The following CNOT3 variants were observed in gnomAD, a reference collection of about 807,000 sequenced individuals.
The protein encoded by CNOT3 is CCR4-associated factor 3.
In CNOT3, 2 loss-of-function variants were observed where a neutral mutation model predicts 89.4. The ratio of observed to expected loss-of-function variants is 0.02; its 90% confidence interval spans 0.01 to 0.07. CNOT3 has a LOEUF of 0.07. Among genes scored for constraint, CNOT3 ranks in the 10% least tolerant of loss-of-function variants. CNOT3 has a pLI of 1.00. For missense variants in CNOT3, 664 were observed against 1,010.2 expected, an observed-to-expected ratio of 0.66 and a Z score of 4.65; for synonymous variants, 486 against 402.0, an observed-to-expected ratio of 1.21 and a Z score of -2.50.
intron 16 of CNOT3, chr19:54,153,265 C>A (rs574101003): frequency 1.3e-6 from 1 of 762,560 alleles, no homozygotes; most frequent in East Asian, 2.4e-5. Flanking sequence ...TGCCCACTGG[C>A]TCACCCGCGG....
At chr19:54,150,619 A>G (rs2075032075) in intron 13 of CNOT3, among the ~76,000 whole-genome samples, 1 of 151,784 alleles carries the variant, frequency 6.6e-6, no homozygotes, top group Admixed American at 6.5e-5. Context: ...TCCAGGAGGC[A>G]GTGTGCGCGC....
chr19:54,152,296 C>T lies in CNOT3; in HGVS notation c.1676C>T (p.Pro559Leu). The T allele has an allele frequency of 6.2e-7, 1 of 1,614,198 alleles. No individual in the cohort carries two copies. Among genetic ancestry groups the T allele is most frequent in the Non-Finnish European group, 8.5e-7 (1 of 1,180,020 alleles). ...RAAISSGIED[P>L]VPTLHLTERD... ...GCCATCAGCTCTGGCATTGAGGACCCTGTGCCAACGCTGCACCTGACCGAG... is the reference window on the plus strand; with the variant it reads ...GCCATCAGCTCTGGCATTGAGGACCTTGTGCCAACGCTGCACCTGACCGAG... Residue 559 changes from proline to leucine, a missense_variant, in exon 14 of 18, where the codon CCT (proline) becomes CTT (leucine). Around this residue, in one of 8 missense-constraint regions of CNOT3, gnomAD observed 545 missense variants for 566.2 expected, o/e 0.96. Coordinates refer to ENST00000221232, the MANE Select transcript of CNOT3 (RefSeq NM_014516.4).
At chr19:54,153,531 T>C in intron 16 of CNOT3, 184 bp from the exon 17 acceptor site, 1 of 778,976 alleles carries the variant, frequency 1.3e-6, no homozygotes, top group Non-Finnish European at 2.4e-6. Context: ...CCTGTCTCAT[T>C]TTCCTTCTCC....
chr19:54,140,696 G>A (rs1391321744), intron 1 of CNOT3, among the ~76,000 whole-genome samples: 1 of 152,166 alleles, frequency 6.6e-6, no homozygotes, highest in Non-Finnish European at 1.5e-5. Context: ...TCCTCACTGG[G>A]TCTCAGCTGT....
At chr19:54,155,280 A>G in intron 17 of CNOT3, 29 bp from the exon 18 acceptor site, 2 of 1,611,218 alleles carry the variant, frequency 1.2e-6, no homozygotes, top group Non-Finnish European at 1.7e-6. Flanking sequence ...CTCCTCGTCC[A>G]CTCACTGACC....
chr19:54,143,704 C>T lies in CNOT3; in HGVS notation c.213C>T (p.Ile71=). The T allele has an allele frequency of 1.2e-6, 2 of 1,613,926 alleles. No individual in the cohort carries two copies. Among genetic ancestry groups the T allele is most frequent in the African/African-American group, 1.3e-5 (1 of 74,960 alleles). Reference sequence around the variant, plus strand: ...AGACATGGGTAGCGTCCAACGAGATCAAGGACAAGAGGCAGCTTATAGACA... The same window carrying T: ...AGACATGGGTAGCGTCCAACGAGATTAAGGACAAGAGGCAGCTTATAGACA... ...QIKTWVASNE[I]KDKRQLIDNR... The change falls in exon 5 of 18, where the codon ATC becomes ATT. Residue 71 remains isoleucine (I), a synonymous_variant. Coordinates refer to ENST00000221232, the MANE Select transcript of CNOT3 (RefSeq NM_014516.4).
intron 1 of CNOT3, among the ~76,000 whole-genome samples, chr19:54,138,511 G>C (rs1051169630): frequency 1.3e-5 from 2 of 152,108 alleles, no homozygotes; most frequent in Admixed American, 6.5e-5. Flanking sequence ...GCGGGGAGGG[G>C]GGGTGGTGGT....
rs746440950 is a variant in CNOT3 at position 54,149,726 on chromosome 19, C to T, written c.1573C>T (p.Pro525Ser). The change falls in exon 13 of 18, where the codon CCT (proline) becomes TCT (serine). Residue 525 changes from proline to serine, a missense_variant. Around this residue, in one of 8 missense-constraint regions of CNOT3, gnomAD observed 545 missense variants for 566.2 expected, o/e 0.96. Transcript: ENST00000221232. ...AKAAGALLNGPPQFSTAPEIK... is the reference protein window; with the variant it reads ...AKAAGALLNGSPQFSTAPEIK... ...GGCAGCCGGTGCCCTGCTCAATGGGCCTCCACAGTTCAGCACCGCCCCAGA... is the reference window on the plus strand; with the variant it reads ...GGCAGCCGGTGCCCTGCTCAATGGGTCTCCACAGTTCAGCACCGCCCCAGA... 1 of 1,613,602 alleles carries T rather than the reference C, an allele frequency of 6.2e-7. No homozygotes were observed. The highest frequency in any genetic ancestry group is 1.1e-5 in the South Asian group (1 of 90,964).
intron 16 of CNOT3, chr19:54,153,496 G>A (rs750209467): frequency 1.2e-5 from 9 of 777,632 alleles, no homozygotes; most frequent in Non-Finnish European, 2.2e-5. Flanking sequence ...CCTTCTCAAA[G>A]CTTCTCTGAA....
rs748449434 is a variant in CNOT3 at position 54,149,600 on chromosome 19, G to C, written c.1447G>C (p.Val483Leu). The C allele has an allele frequency of 8.7e-6, 14 of 1,609,298 alleles. No homozygotes were observed. Among genetic ancestry groups the C allele is most frequent in the South Asian group, 4.4e-5 (4 of 90,638 alleles). The change falls in exon 13 of 18, where the codon GTG becomes CTG. Residue 483 changes from valine to leucine, a missense_variant. Physicochemically the swap from Val to Leu is conservative, Grantham distance 32. Coordinates refer to ENST00000221232, the MANE Select transcript of CNOT3 (RefSeq NM_014516.4). ...GGCAGCCCCAACGGGGGCTGGGGGC[G>C]TGGCCCCAGGCTCAGGGAACAACTC... Reference protein sequence around the residue: ...SAAAPTGAGGVAPGSGNNSGG... With the variant: ...SAAAPTGAGGLAPGSGNNSGG...
At chr19:54,154,015 T>A (rs1275644274) in intron 17 of CNOT3, 175 bp downstream of exon 17, 1 of 821,852 alleles carries the variant, frequency 1.2e-6, no homozygotes, top group Non-Finnish European at 2.1e-6. Context: ...CACCGCCCTC[T>A]CATCCTCCAC....
At chr19:54,151,794 C>G (rs1475587531) in intron 13 of CNOT3, among the ~76,000 whole-genome samples, 4 of 152,214 alleles carry the variant, frequency 2.6e-5, no homozygotes, top group Non-Finnish European at 5.9e-5. Context: ...CACAGGCAGA[C>G]AGCTGAGCAT....
chr19:54,155,507 C>T lies in CNOT3; in HGVS notation c.*100C>T, dbSNP rs1255689728. The T allele has an allele frequency of 4.9e-5, 46 of 937,442 alleles. No individual in the cohort carries two copies. Among genetic ancestry groups the T allele is most frequent in the South Asian group, 1.8e-4 (11 of 60,598 alleles). 58.1% of individuals were successfully genotyped at this position (937,442 alleles called of 1,614,324 possible). A position where few individuals can be genotyped will look rare whatever the true frequency, so the allele number is the denominator to read the frequency against. On this transcript the variant is annotated 3_prime_UTR_variant, in exon 18 of 18. Transcript: ENST00000221232. ...AAGACTGGAGGGAGGCCCCAAGCCA[C>T]GGGGCATCCCCCTCTCCCAGGAAGC...
chr19:54,152,665 A>C (rs776875938), intron 15 of CNOT3, 39 bp downstream of exon 15: 1 of 1,521,716 alleles, frequency 6.6e-7, no homozygotes, highest in South Asian at 1.1e-5. Context: ...CTGGGACTTG[A>C]GTCTTACGGA....
chr19:54,148,213 G>A lies in CNOT3; in HGVS notation c.960G>A (p.Pro320=), dbSNP rs587750007. ...AGCACCCTCAGTCCCCAGCTGTGCC[G>A]CCCACCTACCCCTCCGGCCCCCCGC... ...SNQHPQSPAV[P]PTYPSGPPPA... Residue 320 remains proline, a synonymous_variant, in exon 11 of 18, where the codon CCG becomes CCA. Transcript: ENST00000221232. The surrounding 1 kb of genome is among the most constrained non-coding windows in gnomAD (Gnocchi z 6.3). 9.4e-6 allele frequency: 15 copies of A among 1,591,632 alleles called. No homozygotes were observed. Among genetic ancestry groups the A allele is most frequent in the Admixed American group, 5.3e-5 (3 of 57,034 alleles).
rs776185965 is a variant in CNOT3, at chr19:54,145,518, T to C, written c.484-80T>C. ...TTGGGTCTCCACAGGGGTCAGGGAC[T>C]GAGGACAGGTTCTGTGGGGGCAGGA... On this transcript the variant is annotated intron_variant, in intron 7 of 17. Coordinates refer to ENST00000221232, the MANE Select transcript of CNOT3 (RefSeq NM_014516.4). The surrounding 1 kb of genome is among the most constrained non-coding windows in gnomAD (Gnocchi z 5.9). 102 of 981,702 alleles carry C rather than the reference T, an allele frequency of 1.0e-4. No homozygotes were observed. Among genetic ancestry groups the C allele is most frequent in the Non-Finnish European group, 1.5e-4 (95 of 623,310 alleles). 60.8% of individuals were successfully genotyped at this position (981,702 alleles called of 1,614,324 possible).
rs769728968 is a variant in CNOT3 at position 54,152,254 on chromosome 19, C to T, written c.1634C>T (p.Ser545Phe). The change falls in exon 14 of 18, where the codon TCC (serine) becomes TTC (phenylalanine). Residue 545 changes from serine to phenylalanine, a missense_variant. Ser to Phe is a radical substitution (Grantham distance 155). This residue lies in a region of CNOT3 where 545 missense variants were observed against 566.2 expected (regional missense o/e 0.96). Coordinates refer to ENST00000221232, the MANE Select transcript of CNOT3 (RefSeq NM_014516.4). ...KAPEPLSSLKSMAERAAISSG... is the reference protein window; with the variant it reads ...KAPEPLSSLKFMAERAAISSG... Reference sequence around the variant, plus strand: ...CCTGAGCCTCTGAGCTCCTTGAAGTCCATGGCGGAACGGGCAGCCATCAGC... The same window carrying T: ...CCTGAGCCTCTGAGCTCCTTGAAGTTCATGGCGGAACGGGCAGCCATCAGC... The T allele has an allele frequency of 2.5e-6, 4 of 1,614,112 alleles. No homozygotes were observed. Among genetic ancestry groups the T allele is most frequent in the Non-Finnish European group, 3.4e-6 (4 of 1,180,010 alleles).
At position 54,152,316 on chromosome 19, in the gene CNOT3, A is replaced by T. The variant is rs370010527; in HGVS notation, c.1696A>T (p.Thr566Ser). 1 of 1,614,138 alleles carries T rather than the reference A, an allele frequency of 6.2e-7. No individual in the cohort carries two copies. Among genetic ancestry groups the T allele is most frequent in the South Asian group, 1.1e-5 (1 of 91,082 alleles). The change falls in exon 14 of 18, where the codon ACC becomes TCC. Residue 566 changes from threonine (T) to serine (S), a missense_variant. Coordinates refer to ENST00000221232, the MANE Select transcript of CNOT3 (RefSeq NM_014516.4). ...IEDPVPTLHL[T>S]ERDIILSSTS... ...GGACCCTGTGCCAACGCTGCACCTG[A>T]CCGAGCGAGGTGAGGGACCCAGGAT...
Position 54,145,608 on chromosome 19 carries a change from G to A in CNOT3, c.494G>A (p.Arg165Gln), listed in dbSNP as rs1199669669. ...KKKGDKDKQD[R>Q]IEGLKRHIEK... ...TGGGCTCGCCAGCAGAAGCAGGACC[G>A]GATTGAGGGCTTGAAGCGGCACATC... Residue 165 changes from arginine to glutamine, a missense_variant, in exon 8 of 18, where the codon CGG (arginine) becomes CAG (glutamine). By Grantham distance (43) the Arg-to-Gln change is conservative. Around this residue, in one of 8 missense-constraint regions of CNOT3, gnomAD observed 37 missense variants for 79.5 expected, o/e 0.47. Transcript: ENST00000221232. This position sits in a 1 kb window ranked among gnomAD's most constrained non-coding sequence, Gnocchi z 5.9. 1.2e-6 allele frequency: 2 copies of A among 1,613,408 alleles called. No individual in the cohort carries two copies. Among genetic ancestry groups the A allele is most frequent in the Non-Finnish European group, 1.7e-6 (2 of 1,179,516 alleles).
Sources: allele counts gnomAD v4.1 joint callset (sites outside exome capture counted in the v4.1 genomes callset), GRCh38; gene constraint gnomAD v4.1.1; regional missense constraint gnomAD v4.1.1; non-coding constraint Gnocchi (gnomAD v3.1); transcripts MANE v1.5; gene names NCBI Gene and HGNC (gene_info 2026-07-23, HGNC 2026-07-21).